HOOK1: variants seen among roughly 807,000 people sequenced by gnomAD.
The protein encoded by HOOK1 is protein Hook homolog 1.
Under a neutral mutation model 112.8 loss-of-function variants are expected in HOOK1, and 60 were observed. The ratio of observed to expected loss-of-function variants is 0.53; its 90% CI spans 0.43 to 0.66. The LOEUF is 0.66. HOOK1 is among the 30% of genes least tolerant of loss of function. HOOK1 has a pLI of 0.00. For missense variants in HOOK1, 770 were observed against 856.0 expected (o/e 0.90, Z 1.25); for synonymous variants, 294 against 283.8 (o/e 1.04, Z -0.36).
At chr1:59,858,893 GAAAAAC>G in intron 13 of HOOK1, 86 bp from the exon 14 acceptor site, 1 of 489,162 alleles carries the variant, frequency 2.0e-6, no homozygotes, top group Non-Finnish European at 3.4e-6. Context: ...TCGAAAGAAA[GAAAAAC>G]AAAGAGAGGG....
At chr1:59,870,564 G>A (rs931638949) in intron 20 of HOOK1, among the ~76,000 whole-genome samples, 1 of 152,006 alleles carries the variant, frequency 6.6e-6, no homozygotes, top group Non-Finnish European at 1.5e-5. Context: ...ACATAAATAC[G>A]GCTATGGAAT....
Position 59,852,491 on chromosome 1 carries a change from A to G in HOOK1, c.1242+3308A>G, listed in dbSNP as rs575576623. 4.1e-5 allele frequency among the ~76,000 whole-genome samples: 6 copies of G among 147,334 alleles called. No individual in the cohort carries two copies. The East Asian group carries it at 9.8e-4, about 24-fold the overall frequency. The stretch of plus-strand genomic sequence containing the variant: ...CAAGAGAATTTTGCTAAGTAGTGAT[A>G]TCCTCTCCTTTATTTGTGATTTTTG... On this transcript the variant is annotated intron_variant, in intron 12 of 21. Transcript: ENST00000371208.
In HOOK1 at chr1:59,815,082, A is replaced by G; in HGVS notation, c.-36A>G. The G allele has an allele frequency of 6.5e-7, 1 of 1,535,288 alleles. No homozygotes were observed. The highest frequency in any genetic ancestry group is 8.7e-7 in the Non-Finnish European group (1 of 1,144,416). On this transcript the variant is annotated 5_prime_UTR_variant, in exon 1 of 22. Transcript: ENST00000371208. The stretch of plus-strand genomic sequence containing the variant: ...AGGAGAGCCGGTAGGAGGGAGTGTG[A>G]AGGTGTCCGCGGCGTCGTCGACGGC...
intron 6 of HOOK1, among the ~76,000 whole-genome samples, chr1:59,835,640 G>A (rs1017078299): frequency 1.3e-5 from 2 of 152,014 alleles, no homozygotes; most frequent in African/African-American, 2.4e-5. Context: ...ATATTATCAA[G>A]TCTCTTTAAA....
In HOOK1 at chr1:59,873,495, C is replaced by CTCT. The variant is rs1644089577; in HGVS notation, c.*531_*533dup. 1 of 151,610 alleles carries CTCT rather than the reference C, an allele frequency of 6.6e-6. No individual in the cohort carries two copies. Among genetic ancestry groups the CTCT allele is most frequent in the South Asian group, 2.1e-4 (1 of 4,798 alleles). 9.4% of individuals were successfully genotyped at this position (151,610 alleles called of 1,614,324 possible). ...CCTAATTCTTCCATTGAATGTGTAC[C>CTCT]TCTACCTTGTCATGTCATGGAAGAT... On this transcript the variant is annotated 3_prime_UTR_variant, in exon 22 of 22. Transcript: ENST00000371208.
At chr1:59,822,071 G>C (rs1286877888) in intron 2 of HOOK1, 128 bp downstream of exon 2, 2 of 708,546 alleles carry the variant, frequency 2.8e-6, no homozygotes, top group Non-Finnish European at 4.8e-6. Context: ...CAGGAATATG[G>C]CACCAAGGCA....
intron 9 of HOOK1, among the ~76,000 whole-genome samples, chr1:59,845,524 T>C (rs761705286): frequency 6.6e-6 from 1 of 151,890 alleles, no homozygotes; most frequent in Non-Finnish European, 1.5e-5. Context: ...GTGCTTTCTG[T>C]CAGATTGAGG....
chr1:59,823,317 C>G (rs910978327), intron 2 of HOOK1, among the ~76,000 whole-genome samples: 4 of 152,100 alleles, frequency 2.6e-5, no homozygotes, highest in Non-Finnish European at 4.4e-5. Flanking sequence ...AAGACTCCGT[C>G]TCAAAAAACA....
chr1:59,868,485 T>C, intron 20 of HOOK1, 134 bp downstream of exon 20: 2 of 668,452 alleles, frequency 3.0e-6, no homozygotes, highest in South Asian at 1.7e-5. Context: ...CCAGTGTGTT[T>C]ATTACAAAGC....
At chr1:59,821,462 A>G (rs1413527028) in intron 1 of HOOK1, among the ~76,000 whole-genome samples, 1 of 152,214 alleles carries the variant, frequency 6.6e-6, no homozygotes, top group Non-Finnish European at 1.5e-5. Context: ...TTGTTTTTCT[A>G]TCAAATGATA....
chr1:59,868,445 C>T lies in HOOK1; in HGVS notation c.1947+94C>T, dbSNP rs563688928. The T allele has an allele frequency of 2.1e-5, 17 of 806,778 alleles. 1 individual carries two copies. The highest frequency in any genetic ancestry group is 1.4e-4 in the South Asian group (9 of 64,884). The allele number at this position is 806,778 out of a possible 1,614,324, so 50.0% of individuals were successfully genotyped here. On this transcript the variant is annotated intron_variant, in intron 20 of 21. Coordinates refer to ENST00000371208, the MANE Select transcript of HOOK1 (RefSeq NM_015888.6). ...ATTTGTCATTAATGATCAAGTTTTA[C>T]AAGAAGTTAAAAATGTCATGTTTTA...
At position 59,836,905 on chromosome 1, in the gene HOOK1, A is replaced by T. The variant is rs904040994; in HGVS notation, c.507A>T (p.Pro169=). ...LMSKEILSSP[P]NDAVGELEQQ... ...GTAAAGAAATATTGAGCTCTCCTCC[A>T]AATGATGCTGTTGGAGAATTGGAGC... The change falls in exon 7 of 22, where the codon CCA becomes CCT. Residue 169 remains proline (P), a synonymous_variant. Transcript: ENST00000371208. The T allele has an allele frequency of 1.9e-5, 31 of 1,596,776 alleles. No individual in the cohort carries two copies. The highest frequency in any genetic ancestry group is 2.4e-5 in the Non-Finnish European group (28 of 1,167,624).
At chr1:59,849,633 G>T (rs537544492) in intron 12 of HOOK1, among the ~76,000 whole-genome samples, 2 of 151,516 alleles carry the variant, frequency 1.3e-5, no homozygotes, top group South Asian at 4.2e-4. Context: ...GCCCATCACC[G>T]TTTACCCTGC....
chr1:59,838,590 G>T (rs1477187226), intron 7 of HOOK1, among the ~76,000 whole-genome samples: 2 of 152,012 alleles, frequency 1.3e-5, no homozygotes, highest in Admixed American at 6.6e-5. Context: ...TGTAGATTCT[G>T]GATATTAGCC....
chr1:59,815,199 G>C lies in HOOK1; in HGVS notation c.63+19G>C. ...GATCTGGGTGAGTGCGAGGAGGCGA[G>C]AGGGCGAGGGGGCCAGGGGGCCGAG... On this transcript the variant is annotated intron_variant, in intron 1 of 21. Coordinates refer to ENST00000371208, the MANE Select transcript of HOOK1 (RefSeq NM_015888.6). 6.5e-7 allele frequency: 1 copy of C among 1,541,490 alleles called. No homozygotes were observed. Among genetic ancestry groups the C allele is most frequent in the Non-Finnish European group, 8.7e-7 (1 of 1,145,954 alleles).
Position 59,860,879 on chromosome 1 carries a change from T to A in HOOK1, c.1532+551T>A, listed in dbSNP as rs183461038. Among the ~76,000 whole-genome samples, 3 of 152,020 alleles carry A rather than the reference T, an allele frequency of 2.0e-5. No homozygotes were observed. The East Asian group carries it at 5.8e-4, about 29-fold the overall frequency. On this transcript the variant is annotated intron_variant, in intron 15 of 21. Transcript: ENST00000371208. Reference sequence around the variant, plus strand: ...ACTTCCGCCTCACGGGTTCAAGCGATTCTCCTGCCTCACCCTCCCAAGTAG... The same window carrying A: ...ACTTCCGCCTCACGGGTTCAAGCGAATCTCCTGCCTCACCCTCCCAAGTAG...
At chr1:59,815,649 T>C (rs2098380807) in intron 1 of HOOK1, among the ~76,000 whole-genome samples, 1 of 151,994 alleles carries the variant, frequency 6.6e-6, no homozygotes, top group African/African-American at 2.4e-5. Context: ...TGGACACAGG[T>C]GGCCAGGAGG....
intron 12 of HOOK1, among the ~76,000 whole-genome samples, chr1:59,857,717 T>C (rs943254125): frequency 6.6e-6 from 1 of 152,234 alleles, no homozygotes; most frequent in African/African-American, 2.4e-5. Flanking sequence ...GATTTTATAT[T>C]CAGTAGTACT....
At position 59,815,022 on chromosome 1, in the gene HOOK1, C is replaced by T; in HGVS notation, c.-96C>T. The T allele has an allele frequency of 1.5e-6, 2 of 1,306,520 alleles. No individual in the cohort carries two copies. Among genetic ancestry groups the T allele is most frequent in the Admixed American group, 2.0e-5 (1 of 50,172 alleles). 80.9% of individuals were successfully genotyped at this position (1,306,520 alleles called of 1,614,324 possible). ...GGGTCGGGCCTGGTACCGAGCTTTC[C>T]TGGGGGCTAGCAGGTCGTGGACGCC... On this transcript the variant is annotated 5_prime_UTR_variant, in exon 1 of 22. Transcript: ENST00000371208.
Sources: allele counts gnomAD v4.1 joint callset (sites outside exome capture counted in the v4.1 genomes callset), GRCh38; gene constraint gnomAD v4.1.1; transcripts MANE v1.5; gene names NCBI Gene and HGNC (gene_info 2026-07-23, HGNC 2026-07-21).